Variants in SYN3 observed in about 807,000 individuals in gnomAD.
SYN3 encodes the protein synapsin-3.
A neutral mutation model predicts 65.8 loss-of-function variants in SYN3; 35 were observed. The ratio of observed to expected loss-of-function variants is 0.53; its 90% CI spans 0.41 to 0.70. The LOEUF is 0.70. SYN3 is among the 30% of genes least tolerant of loss of function. The pLI, the probability that SYN3 is intolerant of heterozygous loss-of-function variation, is 0.00. For missense variants in SYN3, 680 were observed against 749.0 expected (o/e 0.91, Z 1.08); for synonymous variants, 270 against 292.9 (o/e 0.92, Z 0.80).
chr22:32,731,956 A>G (rs938286208), intron 6 of SYN3, among the ~76,000 whole-genome samples: 3 of 152,218 alleles, frequency 2.0e-5, no homozygotes, highest in African/African-American at 7.2e-5. Context: ...ATAGGGATCA[A>G]TTATAAGGCC....
At chr22:32,523,356 C>G (rs182567652) in intron 12 of SYN3, among the ~76,000 whole-genome samples, 1 of 152,050 alleles carries the variant, frequency 6.6e-6, no homozygotes, top group Non-Finnish European at 1.5e-5. Flanking sequence ...ACTGAAAATA[C>G]AAAAAAATTA....
At chr22:32,669,546 A>T (rs2060333076) in intron 6 of SYN3, among the ~76,000 whole-genome samples, 1 of 152,236 alleles carries the variant, frequency 6.6e-6, no homozygotes. Context: ...CTACAGTTGG[A>T]GTAACCACTA....
intron 6 of SYN3, among the ~76,000 whole-genome samples, chr22:32,776,720 A>G (rs1202840848): frequency 6.6e-6 from 1 of 152,178 alleles, no homozygotes; most frequent in Admixed American, 6.5e-5. Flanking sequence ...CTGGGATCCT[A>G]TGAGGATCAG....
At chr22:32,643,296 T>C (rs1270382959) in intron 6 of SYN3, among the ~76,000 whole-genome samples, 1 of 152,034 alleles carries the variant, frequency 6.6e-6, no homozygotes, top group Non-Finnish European at 1.5e-5. Context: ...GCCAAGCTGG[T>C]CTTGAACTCC....
At chr22:32,737,516 C>T (rs1182571673) in intron 6 of SYN3, among the ~76,000 whole-genome samples, 3 of 151,806 alleles carry the variant, frequency 2.0e-5, no homozygotes, top group Non-Finnish European at 4.4e-5. Flanking sequence ...CTTCCTGTGT[C>T]CATGTGTTCT....
chr22:33,054,493 C>T (rs2054223892), intron 1 of SYN3, among the ~76,000 whole-genome samples: 1 of 152,152 alleles, frequency 6.6e-6, no homozygotes, highest in South Asian at 2.1e-4. Context: ...CAAACTGTCG[C>T]CTCTATCTAG....
At chr22:32,916,668 C>T (rs1037500249) in intron 4 of SYN3, among the ~76,000 whole-genome samples, 8 of 152,118 alleles carry the variant, frequency 5.3e-5, no homozygotes, top group Non-Finnish European at 1.2e-4. Context: ...GTCACTTAGG[C>T]GAAGCTTGAA....
chr22:32,518,545 G>A, intron 12 of SYN3: 2 of 709,058 alleles, frequency 2.8e-6, no homozygotes, highest in Non-Finnish European at 5.0e-6. Context: ...CATCACATAG[G>A]ATGTGGCTGA....
chr22:32,856,322 A>G (rs1402910912), intron 6 of SYN3, among the ~76,000 whole-genome samples: 1 of 152,070 alleles, frequency 6.6e-6, no homozygotes, highest in Non-Finnish European at 1.5e-5. Flanking sequence ...AATGGGGGGT[A>G]TGGCTGGCTG....
chr22:32,909,805 T>C (rs1356341845), intron 4 of SYN3, among the ~76,000 whole-genome samples: 1 of 152,108 alleles, frequency 6.6e-6, no homozygotes, highest in Non-Finnish European at 1.5e-5. Context: ...ACAGAGCCAG[T>C]AGCATGAGCC....
intron 6 of SYN3, among the ~76,000 whole-genome samples, chr22:32,675,019 A>G (rs2060420572): frequency 6.6e-6 from 1 of 152,198 alleles, no homozygotes; most frequent in African/African-American, 2.4e-5. Flanking sequence ...TGCCGGGCCA[A>G]AGACTGAACA....
chr22:32,872,044 C>T (rs533398932), intron 4 of SYN3, among the ~76,000 whole-genome samples: 8 of 152,218 alleles, frequency 5.3e-5, no homozygotes, highest in South Asian at 4.1e-4. Context: ...GTAGGTGCCT[C>T]GTCCTCAAAG....
At chr22:33,021,758 C>T in intron 1 of SYN3, among the ~76,000 whole-genome samples, 1 of 150,186 alleles carries the variant, frequency 6.7e-6, no homozygotes, top group Admixed American at 6.7e-5. Context: ...CATGCACCAT[C>T]TTCTATAAAC....
chr22:32,933,520 C>T (rs572263419), intron 3 of SYN3, among the ~76,000 whole-genome samples: 15 of 152,308 alleles, frequency 9.8e-5, no homozygotes, highest in African/African-American at 3.4e-4. Context: ...CCTCTGCCTT[C>T]CAGTTTCAAG....
chr22:32,948,974 A>G (rs1195555428), intron 3 of SYN3, among the ~76,000 whole-genome samples: 1 of 151,886 alleles, frequency 6.6e-6, no homozygotes, highest in Admixed American at 6.6e-5. Flanking sequence ...GCTTGGGACC[A>G]GAAGTGTTTT....
chr22:32,714,603 C>T (rs1218024560), intron 6 of SYN3, among the ~76,000 whole-genome samples: 3 of 151,586 alleles, frequency 2.0e-5, no homozygotes, highest in Non-Finnish European at 4.4e-5. Context: ...TCTCTGGCAA[C>T]TCTAGATAAC....
At chr22:32,667,283 C>T (rs1403878896) in intron 6 of SYN3, among the ~76,000 whole-genome samples, 2 of 152,002 alleles carry the variant, frequency 1.3e-5, no homozygotes, top group Non-Finnish European at 2.9e-5. Context: ...TTCATTCCTT[C>T]CTCCTTCCCT....
At chr22:32,710,457 C>T (rs1260749505) in intron 6 of SYN3, among the ~76,000 whole-genome samples, 1 of 151,264 alleles carries the variant, frequency 6.6e-6, no homozygotes, top group Non-Finnish European at 1.5e-5. Context: ...ATGGTGAAAC[C>T]CTGACTCTAC....
chr22:32,893,571 C>T (rs1323108753), intron 4 of SYN3, among the ~76,000 whole-genome samples: 4 of 152,156 alleles, frequency 2.6e-5, no homozygotes, highest in African/African-American at 9.7e-5. Flanking sequence ...AATAAGAGAA[C>T]ACTTGCATAA....
Sources: gnomAD v4.1 joint callset for allele counts (sites outside exome capture counted in the v4.1 genomes callset) on GRCh38, gnomAD v4.1.1 for gene constraint, MANE v1.5 for transcripts, NCBI Gene and HGNC (gene_info 2026-07-23, HGNC 2026-07-21) for gene names.